The following NLGN1 variants were observed in gnomAD, a reference collection of about 807,000 sequenced individuals.
The protein encoded by NLGN1 is neuroligin 1.
NLGN1 carries 12 observed loss-of-function variants against 65.5 expected under a neutral mutation model. The observed-to-expected ratio is 0.18, with a 90% CI of 0.12 to 0.30. The LOEUF (loss-of-function observed/expected upper bound fraction) is 0.30. Among genes scored for constraint, NLGN1 ranks in the 10% least tolerant of loss-of-function variants. The pLI is 1.00. For missense variants in NLGN1, 750 were observed against 1,007.1 expected (o/e 0.74, Z 3.46); for synonymous variants, 350 against 359.5 (o/e 0.97, Z 0.30).
chr3:173,460,306 C>G (rs1723160081), intron 2 of NLGN1, among the ~76,000 whole-genome samples: 1 of 152,100 alleles, frequency 6.6e-6, no homozygotes, highest in Non-Finnish European at 1.5e-5. Context: ...ATAACTAATA[C>G]TACCCACATG....
intron 4 of NLGN1, among the ~76,000 whole-genome samples, chr3:174,115,917 A>G (rs1257855620): frequency 2.0e-5 from 3 of 152,200 alleles, no homozygotes; most frequent in Admixed American, 6.5e-5. Context: ...ATGTCTCTAC[A>G]TTAGATGAGG....
intron 3 of NLGN1, among the ~76,000 whole-genome samples, chr3:173,778,155 G>GT (rs529856873): frequency 1.3e-4 from 19 of 151,478 alleles, no homozygotes; most frequent in African/African-American, 4.4e-4. Flanking sequence ...TTTAGTGTCT[G>GT]TTTTTTTAAA....
intron 4 of NLGN1, among the ~76,000 whole-genome samples, chr3:174,164,651 C>T (rs941483775): frequency 2.0e-5 from 3 of 151,940 alleles, no homozygotes; most frequent in Non-Finnish European, 4.4e-5. Flanking sequence ...TCAACTTTGT[C>T]GAAGCATAGA....
chr3:173,830,308 G>A (rs1722279890), intron 4 of NLGN1, among the ~76,000 whole-genome samples: 1 of 152,128 alleles, frequency 6.6e-6, no homozygotes. Context: ...GAAGCAGAGA[G>A]AGGAAAGAAG....
chr3:173,662,281 A>T (rs1018816568), intron 3 of NLGN1, among the ~76,000 whole-genome samples: 1 of 152,002 alleles, frequency 6.6e-6, no homozygotes, highest in Non-Finnish European at 1.5e-5. Context: ...CGGCAGTAAT[A>T]ATGAACTGAG....
At chr3:173,680,961 A>T (rs1340352671) in intron 3 of NLGN1, among the ~76,000 whole-genome samples, 1 of 152,130 alleles carries the variant, frequency 6.6e-6, no homozygotes, top group East Asian at 1.9e-4. Context: ...CATTTTTTTT[A>T]AAACCCTATA....
At chr3:173,969,062 T>C (rs1006276644) in intron 4 of NLGN1, among the ~76,000 whole-genome samples, 3 of 125,554 alleles carry the variant, frequency 2.4e-5, no homozygotes, top group African/African-American at 1.0e-4. Context: ...TGCAAGAAGA[T>C]TTAAAAAAAA....
At chr3:174,093,968 A>G (rs1220364044) in intron 4 of NLGN1, among the ~76,000 whole-genome samples, 1 of 152,138 alleles carries the variant, frequency 6.6e-6, no homozygotes, top group Admixed American at 6.5e-5. Flanking sequence ...AATTTAAGTG[A>G]GGAAATTTTG....
At chr3:174,011,980 A>ATCAAAATTCTT (rs1725649757) in intron 4 of NLGN1, among the ~76,000 whole-genome samples, 1 of 152,212 alleles carries the variant, frequency 6.6e-6, no homozygotes, top group Admixed American at 6.5e-5. Flanking sequence ...TCTTTCAAAT[A>ATCAAAATTCTT]GCAAATTTTG....
chr3:173,686,753 G>A (rs138250769), intron 3 of NLGN1, among the ~76,000 whole-genome samples: 2,186 of 152,182 alleles, frequency 0.014, 67 homozygotes, highest in African/African-American at 0.05. Flanking sequence ...AGGAGTTCAA[G>A]ACCAGCCTGG....
intron 4 of NLGN1, among the ~76,000 whole-genome samples, chr3:174,202,415 C>T (rs971350647): frequency 1.3e-5 from 2 of 151,394 alleles, no homozygotes; most frequent in African/African-American, 4.9e-5. Flanking sequence ...GTGAAAATAG[C>T]ATGTCTACTT....
intron 2 of NLGN1, among the ~76,000 whole-genome samples, chr3:173,517,673 T>G (rs780380032): frequency 1.7e-4 from 26 of 152,126 alleles, no homozygotes; most frequent in African/African-American, 4.8e-4. Context: ...CATCTATGTT[T>G]ATATGTATGT....
intron 4 of NLGN1, among the ~76,000 whole-genome samples, chr3:173,846,792 T>C (rs990665198): frequency 6.6e-5 from 10 of 152,238 alleles, no homozygotes; most frequent in African/African-American, 1.9e-4. Context: ...TGTCTGCTTC[T>C]CTGCCTTCCC....
intron 4 of NLGN1, among the ~76,000 whole-genome samples, chr3:174,253,788 C>A (rs900805340): frequency 6.6e-6 from 1 of 152,140 alleles, no homozygotes; most frequent in Admixed American, 6.6e-5. Context: ...CATTCCATGA[C>A]CCTCTGAGCT....
chr3:173,720,101 G>C (rs560675941), intron 3 of NLGN1, among the ~76,000 whole-genome samples: 3 of 152,182 alleles, frequency 2.0e-5, no homozygotes, highest in Admixed American at 6.5e-5. Context: ...GCGACAGAGA[G>C]AGACTGTGTC....
intron 4 of NLGN1, among the ~76,000 whole-genome samples, chr3:173,979,290 CTTTG>C (rs550184123): frequency 1.3e-4 from 20 of 151,872 alleles, no homozygotes; most frequent in Admixed American, 8.6e-4. Flanking sequence ...CAAGAGGTGA[CTTTG>C]TTTGATGAGA....
intron 3 of NLGN1, among the ~76,000 whole-genome samples, chr3:173,704,433 G>C (rs1767733322): frequency 6.6e-6 from 1 of 151,866 alleles, no homozygotes; most frequent in Non-Finnish European, 1.5e-5. Context: ...TGCTCAGTGA[G>C]GTAAATAATA....
intron 2 of NLGN1, among the ~76,000 whole-genome samples, chr3:173,483,109 A>G (rs1191601027): frequency 2.0e-5 from 3 of 152,066 alleles, no homozygotes; most frequent in Admixed American, 6.6e-5. Context: ...TAGATTACCT[A>G]TTACACAGAT....
At chr3:173,805,096 AT>A (rs1397924447) in intron 3 of NLGN1, among the ~76,000 whole-genome samples, 1 of 152,034 alleles carries the variant, frequency 6.6e-6, no homozygotes, top group Non-Finnish European at 1.5e-5. Context: ...AAAGGCTTCC[AT>A]TTTTTTCCTG....
Sources: allele counts gnomAD v4.1 joint callset (sites outside exome capture counted in the v4.1 genomes callset), GRCh38; gene constraint gnomAD v4.1.1; transcripts MANE v1.5; gene names NCBI Gene and HGNC (gene_info 2026-07-23, HGNC 2026-07-21).